CNOT2: variants seen among roughly 807,000 people sequenced by gnomAD.
CNOT2 encodes the protein CC chemokine receptor 4-negative regulator of transcription 2.
CNOT2 carries 7 observed loss-of-function variants against 72.1 expected under a neutral mutation model. The ratio of observed to expected loss-of-function variants is 0.10; its 90% CI spans 0.06 to 0.18. The LOEUF (loss-of-function observed/expected upper bound fraction) is 0.18, where lower values mean the gene tolerates loss of function less well. Ranked by LOEUF, CNOT2 falls within the 10% of genes least tolerant of loss-of-function variation. The pLI is 1.00. For missense variants in CNOT2, 345 were observed against 660.3 expected (o/e 0.52, Z 5.23); for synonymous variants, 196 against 225.6 (o/e 0.87, Z 1.17).
chr12:70,279,380 C>A (rs1869422319), intron 2 of CNOT2, among the ~76,000 whole-genome samples: 1 of 152,176 alleles, frequency 6.6e-6, no homozygotes, highest in African/African-American at 2.4e-5. Context: ...TTTAACCTTT[C>A]TAGAATTTCT....
intron 4 of CNOT2, among the ~76,000 whole-genome samples, chr12:70,325,374 C>G (rs996646138): frequency 4.6e-5 from 7 of 151,744 alleles, no homozygotes; most frequent in Non-Finnish European, 1.0e-4. Flanking sequence ...ATCACAATTG[C>G]TGGAGAGGAG....
At chr12:70,341,757 T>G (rs995671052) in intron 11 of CNOT2, among the ~76,000 whole-genome samples, 6 of 152,170 alleles carry the variant, frequency 3.9e-5, no homozygotes, top group South Asian at 2.1e-4. Flanking sequence ...TATTTAAAAT[T>G]TATTTAAAAT....
chr12:70,243,776 A>G (rs1338900123), intron 1 of CNOT2: 6 of 152,398 alleles, frequency 3.9e-5, no homozygotes, highest in African/African-American at 1.4e-4. Flanking sequence ...CTGCAGCAGC[A>G]GCAGCTCCAG....
intron 1 of CNOT2, among the ~76,000 whole-genome samples, chr12:70,254,747 C>T (rs542883444): frequency 6.6e-6 from 1 of 151,840 alleles, no homozygotes; most frequent in East Asian, 1.9e-4. Context: ...TTTGGGAGGC[C>T]GAGGCGGGTG....
chr12:70,295,577 A>G (rs1476096953), intron 2 of CNOT2, among the ~76,000 whole-genome samples: 1 of 152,056 alleles, frequency 6.6e-6, no homozygotes, highest in Non-Finnish European at 1.5e-5. Context: ...CTAAATGTAG[A>G]GATTTTCTAC....
intron 2 of CNOT2, among the ~76,000 whole-genome samples, chr12:70,281,694 A>G (rs1349085822): frequency 1.3e-5 from 2 of 152,066 alleles, no homozygotes; most frequent in East Asian, 1.9e-4. Context: ...CCTTTCTTTC[A>G]TAGCCTTTAC....
At position 70,353,913 on chromosome 12, in the gene CNOT2, T is replaced by TAAAAAAAA. The variant is rs35192504; in HGVS notation, c.*16_*23dup. The TAAAAAAAA allele has an allele frequency of 1.3e-5, 17 of 1,275,462 alleles. No individual in the cohort carries two copies. In the African/African-American group the frequency reaches 2.7e-4, roughly 20 times the overall value. 79.0% of individuals were successfully genotyped at this position (1,275,462 alleles called of 1,614,324 possible). A position where few individuals can be genotyped will look rare whatever the true frequency, so the allele number is the denominator to read the frequency against. On this transcript the variant is annotated frameshift_variant and stop_retained_variant, in exon 16 of 16. Coordinates refer to ENST00000229195, the MANE Select transcript of CNOT2 (RefSeq NM_014515.7). LOFTEE classifies it high-confidence loss of function. ...CTACAACCCTGCTCAGCAAGCCTTC[T>TAAAAAAAA]AAAAAAAAAAAAAAAAAAAAAAAAA...
chr12:70,282,438 A>C (rs1870032061), intron 2 of CNOT2, among the ~76,000 whole-genome samples: 1 of 152,244 alleles, frequency 6.6e-6, no homozygotes, highest in Non-Finnish European at 1.5e-5. Flanking sequence ...CCAACATTAA[A>C]TATCTTACTT....
At chr12:70,276,895 C>T (rs1245583857) in intron 1 of CNOT2, among the ~76,000 whole-genome samples, 1 of 151,858 alleles carries the variant, frequency 6.6e-6, no homozygotes, top group African/African-American at 2.4e-5. Flanking sequence ...AAAAGAGGAG[C>T]CAGAAGATAG....
At chr12:70,347,014 A>ATATTATTCTCTACATGTGGAGAGAATG (rs376300615) in intron 15 of CNOT2, among the ~76,000 whole-genome samples, 1 of 151,972 alleles carries the variant, frequency 6.6e-6, no homozygotes. Flanking sequence ...TGGAGAGAAT[A>ATATTATTCTCTACATGTGGAGAGAATG]TATTCTCTCC....
At position 70,350,553 on chromosome 12, in the gene CNOT2, C is replaced by A. The variant is rs1882740530; in HGVS notation, c.1537-3276C>A. On this transcript the variant is annotated intron_variant, in intron 15 of 15. Coordinates refer to ENST00000229195, the MANE Select transcript of CNOT2 (RefSeq NM_014515.7). ...CTCCAAAATCTGTAACTTCTGAATG[C>A]CAACATGGTGTCACAAGTGGAAAAT... 1.3e-5 allele frequency among the ~76,000 whole-genome samples: 2 copies of A among 152,160 alleles called. 1 individual carries two copies. Among genetic ancestry groups the A allele is most frequent in the South Asian group, 4.1e-4 (2 of 4,830 alleles).
chr12:70,337,292 C>G, intron 8 of CNOT2, 97 bp from the exon 9 acceptor site: 1 of 991,392 alleles, frequency 1.0e-6, no homozygotes, highest in Admixed American at 2.3e-5. Flanking sequence ...AAAAAGAAAC[C>G]TTTTGGTGTA....
At chr12:70,277,253 A>G (rs1358959523) in intron 1 of CNOT2, among the ~76,000 whole-genome samples, 1 of 152,164 alleles carries the variant, frequency 6.6e-6, no homozygotes, top group Non-Finnish European at 1.5e-5. Flanking sequence ...ATGCATATTT[A>G]CAAATTCTTT....
At chr12:70,344,096 A>G (rs373582881) in intron 13 of CNOT2, 32 bp from the exon 14 acceptor site, 90 of 1,475,080 alleles carry the variant, frequency 6.1e-5, no homozygotes, top group Non-Finnish European at 7.9e-5. Flanking sequence ...GATTTGTTTT[A>G]TATTTCAGAA....
chr12:70,354,499 T>G lies in CNOT2; in HGVS notation c.*584T>G, dbSNP rs1461532793. On this transcript the variant is annotated 3_prime_UTR_variant, in exon 16 of 16. Transcript: ENST00000229195. Reference sequence around the variant, plus strand: ...TTAGAAGAAAGATATTGCCACAATCTCTGGATGGTTTTCCAGGGTTGTGTT... The same window carrying G: ...TTAGAAGAAAGATATTGCCACAATCGCTGGATGGTTTTCCAGGGTTGTGTT... The G allele has an allele frequency of 2.0e-5, 3 of 152,694 alleles. No homozygotes were observed. The highest frequency in any genetic ancestry group is 2.9e-5 in the Non-Finnish European group (2 of 68,082). The allele number at this position is 152,694 out of a possible 1,614,324, so 9.5% of individuals were successfully genotyped here.
chr12:70,287,299 C>T (rs771814876), intron 2 of CNOT2, among the ~76,000 whole-genome samples: 1 of 149,308 alleles, frequency 6.7e-6, no homozygotes, highest in Non-Finnish European at 1.5e-5. Flanking sequence ...ACTAGTGATT[C>T]GTCAGTTTTA....
chr12:70,254,531 C>T (rs1420351176), intron 1 of CNOT2, among the ~76,000 whole-genome samples: 1 of 152,112 alleles, frequency 6.6e-6, no homozygotes, highest in Non-Finnish European at 1.5e-5. Flanking sequence ...CTGCGGTTCA[C>T]CATGAATAAC....
At position 70,329,493 on chromosome 12, in the gene CNOT2, C is replaced by A; in HGVS notation, c.309C>A (p.Gly103=). ...AGTTAAATCGCAGCTTATCACAAGGCACTCAGTTACCGAGCCACGTCACGC... is the reference window on the plus strand; with the variant it reads ...AGTTAAATCGCAGCTTATCACAAGGAACTCAGTTACCGAGCCACGTCACGC... ...TPQLNRSLSQ[G]TQLPSHVTPT... is the part of the protein sequence containing the mutation. The change falls in exon 5 of 16, where the codon GGC becomes GGA. Residue 103 remains glycine (G), a synonymous_variant. Coordinates refer to ENST00000229195, the MANE Select transcript of CNOT2 (RefSeq NM_014515.7). 6.2e-7 allele frequency: 1 copy of A among 1,611,022 alleles called. No homozygotes were observed. Among genetic ancestry groups the A allele is most frequent in the South Asian group, 1.1e-5 (1 of 91,006 alleles).
intron 4 of CNOT2, chr12:70,322,197 A>G (rs1194725988): frequency 6.6e-5 from 10 of 151,948 alleles, no homozygotes; most frequent in East Asian, 3.9e-4. Flanking sequence ...CAACATTACA[A>G]TGGAATGAAG....
Sources: allele counts gnomAD v4.1 joint callset (sites outside exome capture counted in the v4.1 genomes callset), GRCh38; gene constraint gnomAD v4.1.1; transcripts MANE v1.5; gene names NCBI Gene and HGNC (gene_info 2026-07-23, HGNC 2026-07-21).